Variants in BASP1 observed in about 807,000 individuals in gnomAD.
BASP1 encodes the protein brain acid soluble protein 1.
BASP1 carries 1 observed loss-of-function variant against 2.2 expected under a neutral mutation model. The observed-to-expected ratio is 0.46, with a 90% CI of 0.16 to 2.17. BASP1 has a LOEUF of 2.17. Ranked by LOEUF, BASP1 falls within the 30% of genes most tolerant of loss-of-function variation. The pLI is 0.27. For missense variants in BASP1, 352 were observed against 327.2 expected, an observed-to-expected ratio of 1.08 and a Z score of -0.58; for synonymous variants, 187 against 154.2, an observed-to-expected ratio of 1.21 and a Z score of -1.58.
chr5:17,252,549 C>T (rs1417402312), intron 1 of BASP1, among the ~76,000 whole-genome samples: 2 of 152,196 alleles, frequency 1.3e-5, no homozygotes, highest in Non-Finnish European at 2.9e-5. Context: ...CTTGGCACCA[C>T]ACCTCCTGGG....
At chr5:17,255,178 A>T (rs1353636656) in intron 1 of BASP1, among the ~76,000 whole-genome samples, 1 of 152,170 alleles carries the variant, frequency 6.6e-6, no homozygotes, top group Admixed American at 6.5e-5. Context: ...AGTGTTTGAG[A>T]TACCTGGAAT....
Position 17,268,537 on chromosome 5 carries a change from T to G in BASP1, c.-9-6671T>G, listed in dbSNP as rs193107254. 1.8e-3 allele frequency among the ~76,000 whole-genome samples: 273 copies of G among 152,318 alleles called. 3 individuals carry two copies. Among genetic ancestry groups the G allele is most frequent in the African/African-American group, 6.4e-3 (265 of 41,570 alleles). On this transcript the variant is annotated intron_variant, in intron 1 of 1. Transcript: ENST00000322611. ...ATTATAGTTTGTAAGAATTGTGGTT[T>G]TTTAGTGAAATTCTTAGCTATTAAA...
chr5:17,230,968 G>A (rs1423577292), intron 1 of BASP1, among the ~76,000 whole-genome samples: 1 of 151,374 alleles, frequency 6.6e-6, no homozygotes, highest in Non-Finnish European at 1.5e-5. Context: ...GTTAACTCTG[G>A]CAATACAAAT....
chr5:17,247,083 G>A (rs1740006379), intron 1 of BASP1, among the ~76,000 whole-genome samples: 1 of 152,184 alleles, frequency 6.6e-6, no homozygotes. Flanking sequence ...TACTCCGGAA[G>A]CTGAGGTGGG....
chr5:17,228,609 T>C (rs1389431943), intron 1 of BASP1, among the ~76,000 whole-genome samples: 6 of 152,248 alleles, frequency 3.9e-5, no homozygotes, highest in Non-Finnish European at 8.8e-5. Context: ...AATTTAATGC[T>C]GTGACTAGCA....
Position 17,243,684 on chromosome 5 carries a change from T to G in BASP1, c.-10+25874T>G, listed in dbSNP as rs1204391897. Reference sequence around the variant, plus strand: ...ATTTGTGAATTTGTCTTACTTGTTTTTGGATTGTGTCTCACCATATGATCT... The same window carrying G: ...ATTTGTGAATTTGTCTTACTTGTTTGTGGATTGTGTCTCACCATATGATCT... On this transcript the variant is annotated intron_variant, in intron 1 of 1. Coordinates refer to ENST00000322611, the MANE Select transcript of BASP1 (RefSeq NM_006317.5). 2.6e-5 allele frequency among the ~76,000 whole-genome samples: 4 copies of G among 152,336 alleles called. No homozygotes were observed. In the East Asian group the frequency reaches 7.7e-4, roughly 29 times the overall value.
intron 1 of BASP1, among the ~76,000 whole-genome samples, chr5:17,252,132 G>A (rs1223158385): frequency 1.3e-5 from 2 of 152,154 alleles, no homozygotes; most frequent in African/African-American, 4.8e-5. Context: ...AGAAAGCTAG[G>A]TCTAGGGAGA....
At chr5:17,235,714 A>G (rs900825058) in intron 1 of BASP1, among the ~76,000 whole-genome samples, 1 of 152,138 alleles carries the variant, frequency 6.6e-6, no homozygotes, top group Non-Finnish European at 1.5e-5. Flanking sequence ...ATGTTTTTTA[A>G]AATGAAATCT....
intron 1 of BASP1, among the ~76,000 whole-genome samples, chr5:17,256,154 T>G (rs1190456349): frequency 6.6e-6 from 1 of 152,210 alleles, no homozygotes; most frequent in African/African-American, 2.4e-5. Flanking sequence ...CACAAACAAT[T>G]TGAAGGACAT....
intron 1 of BASP1, among the ~76,000 whole-genome samples, chr5:17,255,819 C>T (rs1479435197): frequency 6.6e-6 from 1 of 152,158 alleles, no homozygotes; most frequent in African/African-American, 2.4e-5. Flanking sequence ...AGACACTATG[C>T]CTTTCCTCAA....
chr5:17,269,253 T>A (rs167237), intron 1 of BASP1, among the ~76,000 whole-genome samples: 121,931 of 152,212 alleles, frequency 0.8, 49,107 homozygotes, highest in African/African-American at 0.86. Flanking sequence ...TTAGGGAACA[T>A]GATTTGCTGC....
intron 1 of BASP1, among the ~76,000 whole-genome samples, chr5:17,247,915 G>T (rs1740027391): frequency 6.6e-6 from 1 of 152,196 alleles, no homozygotes; most frequent in African/African-American, 2.4e-5. Flanking sequence ...CTGGAAAAGG[G>T]CATTGGTGAC....
At chr5:17,218,395 G>A (rs1243646347) in intron 1 of BASP1, among the ~76,000 whole-genome samples, 1 of 152,136 alleles carries the variant, frequency 6.6e-6, no homozygotes, top group Admixed American at 6.5e-5. Flanking sequence ...GGGACTCCTG[G>A]ATCTTGGTTC....
At chr5:17,248,564 T>C (rs1740040278) in intron 1 of BASP1, among the ~76,000 whole-genome samples, 1 of 152,200 alleles carries the variant, frequency 6.6e-6, no homozygotes, top group Non-Finnish European at 1.5e-5. Flanking sequence ...ATCATTACAT[T>C]AGACGGTTCA....
intron 1 of BASP1, among the ~76,000 whole-genome samples, chr5:17,235,719 A>C (rs141676106): frequency 0.012 from 1,766 of 152,282 alleles, 16 homozygotes; most frequent in Non-Finnish European, 0.016. Flanking sequence ...TTTTAAAATG[A>C]AATCTGTCAA....
At chr5:17,243,947 G>A (rs72738647) in intron 1 of BASP1, among the ~76,000 whole-genome samples, 1,687 of 152,252 alleles carry the variant, frequency 0.011, 13 homozygotes, top group South Asian at 0.033. Context: ...AATAAGTCAC[G>A]GGTACTATGT....
At chr5:17,241,101 T>C (rs1316398464) in intron 1 of BASP1, among the ~76,000 whole-genome samples, 1 of 150,592 alleles carries the variant, frequency 6.6e-6, no homozygotes, top group African/African-American at 2.4e-5. Flanking sequence ...CATTTTCCTT[T>C]TTTTTTTTTT....
At chr5:17,218,423 A>C (rs935566134) in intron 1 of BASP1, among the ~76,000 whole-genome samples, 12 of 152,056 alleles carry the variant, frequency 7.9e-5, no homozygotes, top group Admixed American at 7.2e-4. Context: ...AAGGAATACG[A>C]GGTTCACACG....
rs901113072 is a variant in BASP1 at position 17,260,725 on chromosome 5, C to T, written c.-9-14483C>T. ...GAGTCTGTGATGTTTATCTAGTACC[C>T]ATTGTGCACGAACAACCACAAAGCA... is the stretch of plus-strand genomic sequence containing the variant. On this transcript the variant is annotated intron_variant, in intron 1 of 1. Transcript: ENST00000322611. This position sits in a 1 kb window ranked among gnomAD's most constrained non-coding sequence, Gnocchi z 4.2. Among the ~76,000 whole-genome samples the T allele has an allele frequency of 2.0e-5, 3 of 152,158 alleles. No individual in the cohort carries two copies. Among genetic ancestry groups the T allele is most frequent in the Non-Finnish European group, 4.4e-5 (3 of 68,022 alleles).
Sources: gnomAD v4.1 joint callset for allele counts (sites outside exome capture counted in the v4.1 genomes callset) on GRCh38, gnomAD v4.1.1 for gene constraint, Gnocchi (gnomAD v3.1) non-coding constraint, MANE v1.5 for transcripts, NCBI Gene and HGNC (gene_info 2026-07-23, HGNC 2026-07-21) for gene names.